TET2: variants seen among roughly 807,000 people sequenced by gnomAD.
TET2 encodes methylcytosine dioxygenase TET2.
A neutral mutation model predicts 142.9 loss-of-function variants in TET2; 299 were observed. The ratio of observed to expected loss-of-function variants is 2.09; its 90% CI spans 1.90 to 2.30. The LOEUF is 2.30. TET2 is among the 30% of genes most tolerant of loss of function. The probability of loss-of-function intolerance (pLI) is 0.00; values close to 1 mark genes in which losing one functional copy is unlikely to be tolerated. For synonymous variants in TET2, 819 were observed against 849.0 expected (o/e 0.96, Z 0.61); for missense variants, 2,418 against 2,378.0 (o/e 1.02, Z -0.35).
In TET2 at chr4:105,196,399, ACC is replaced by A. The variant is rs562188144; in HGVS notation, c.-47+5895_-47+5896del. ...GATGTGATGTAGAATTCTTGGGGAC[ACC>A]TACTTATCCCCTTTTCAGAGTGGCC... On this transcript the variant is annotated intron_variant, in intron 2 of 10. Transcript: ENST00000380013. 2.4e-4 allele frequency among the ~76,000 whole-genome samples: 36 copies of A among 152,272 alleles called. No homozygotes were observed. In the South Asian group the frequency reaches 7.3e-3, roughly 31 times the overall value.
chr4:105,218,328 G>C (rs1288535338), intron 2 of TET2, among the ~76,000 whole-genome samples: 1 of 151,988 alleles, frequency 6.6e-6, no homozygotes, highest in African/African-American at 2.4e-5. Context: ...CTACCTCTTT[G>C]TCCTGAACAG....
intron 2 of TET2, among the ~76,000 whole-genome samples, chr4:105,223,341 A>C (rs1439079639): frequency 1.3e-5 from 2 of 152,106 alleles, no homozygotes; most frequent in Non-Finnish European, 2.9e-5. Context: ...TATGTTTTTA[A>C]AATTTTAGCT....
At position 105,235,357 on chromosome 4, in the gene TET2, C is replaced by T. The variant is rs1728792800; in HGVS notation, c.1415C>T (p.Pro472Leu). 4.3e-6 allele frequency: 7 copies of T among 1,614,044 alleles called. No individual in the cohort carries two copies. The highest frequency in any genetic ancestry group is 5.9e-6 in the Non-Finnish European group (7 of 1,180,022). ...SPNPSTHVCS[P>L]SPMLSERPQN... is the part of the protein sequence containing the mutation. ...AATCCATCTACACATGTATGCAGCC[C>T]TTCTCCGATGCTTTCTGAAAGGCCT... Residue 472 changes from proline (P) to leucine (L), a missense_variant, in exon 3 of 11, where the codon CCT becomes CTT. Coordinates refer to ENST00000380013, the MANE Select transcript of TET2 (RefSeq NM_001127208.3).
chr4:105,200,646 T>G (rs185369777), intron 2 of TET2, among the ~76,000 whole-genome samples: 69 of 150,104 alleles, frequency 4.6e-4, no homozygotes, highest in African/African-American at 1.6e-3. Context: ...TTGTTTGTTT[T>G]GTTTTTGTTT....
rs1728836566 is a variant in TET2, at chr4:105,235,794, C to T, written c.1852C>T (p.Gln618Ter). The change falls in exon 3 of 11, where the codon CAA (glutamine) becomes TAA (stop). Residue 618 changes from glutamine to a stop codon, truncating the protein, a stop_gained. Transcript: ENST00000380013. LOFTEE classifies it high-confidence loss of function. ...CAACATGCCTGGGGGGCTCCCAAGG[C>T]AAGCTTACACCCAGAAAACAACACA... ...NSNMPGGLPR[Q>*]AYTQKTTQLE... 2 of 1,614,096 alleles carry T rather than the reference C, an allele frequency of 1.2e-6. No individual in the cohort carries two copies. The highest frequency in any genetic ancestry group is 1.7e-6 in the Non-Finnish European group (2 of 1,180,012).
In TET2 at chr4:105,236,985, A is replaced by C; in HGVS notation, c.3043A>C (p.Ser1015Arg). ...KVTKQENPPA[S>R]CDNVQQKSII... ...AACTAAGCAAGAGAATCCACCTGCA[A>C]GCTGTGATAATGTGCAGCAAAAGAG... The change falls in exon 3 of 11, where the codon AGC becomes CGC. Residue 1015 changes from serine (S) to arginine (R), a missense_variant. Coordinates refer to ENST00000380013, the MANE Select transcript of TET2 (RefSeq NM_001127208.3). 6.2e-7 allele frequency: 1 copy of C among 1,614,166 alleles called. No homozygotes were observed. Among genetic ancestry groups the C allele is most frequent in the South Asian group, 1.1e-5 (1 of 91,086 alleles).
Position 105,244,584 on chromosome 4 carries a change from A to ATCTTTTTTTTT in TET2, c.3803+807_3803+808insCTTTTTTTTTT, listed in dbSNP as rs1237638072. On this transcript the variant is annotated intron_variant, in intron 6 of 10. Transcript: ENST00000380013. ...TGAATGTTCACGGTGCTACACAGAA[A>ATCTTTTTTTTT]TGTTTTTTTTTTTTTTTTTTTTTTT... Among the ~76,000 whole-genome samples the ATCTTTTTTTTT allele has an allele frequency of 8.5e-3, 986 of 116,580 alleles. 124 individuals are homozygous for ATCTTTTTTTTT. The highest frequency in any genetic ancestry group is 0.021 in the Middle Eastern group (4 of 194). The allele number at this position is 116,580 out of a possible 152,430, so 76.5% of individuals were successfully genotyped here. A position where few individuals can be genotyped will look rare whatever the true frequency, so the allele number is the denominator to read the frequency against.
Position 105,276,674 on chromosome 4 carries a change from CT to C in TET2, c.*157del. 1.2e-6 allele frequency: 1 copy of C among 827,952 alleles called. No individual in the cohort carries two copies. The highest frequency in any genetic ancestry group is 1.8e-6 in the Non-Finnish European group (1 of 551,614). The allele number at this position is 827,952 out of a possible 1,614,324, so 51.3% of individuals were successfully genotyped here. The stretch of plus-strand genomic sequence containing the variant: ...GCTCACCAGCAACAAAAGAGGTTAT[CT>C]TACCATAGCACTTAATTTTCACTGG... On this transcript the variant is annotated 3_prime_UTR_variant, in exon 11 of 11. Coordinates refer to ENST00000380013, the MANE Select transcript of TET2 (RefSeq NM_001127208.3).
chr4:105,249,457 T>C (rs1287565296), intron 6 of TET2, among the ~76,000 whole-genome samples: 2 of 152,264 alleles, frequency 1.3e-5, no homozygotes, highest in Non-Finnish European at 2.9e-5. Context: ...CCTTGGGATA[T>C]ACACCTAGGA....
chr4:105,174,117 A>G (rs1446863636), intron 1 of TET2, among the ~76,000 whole-genome samples: 2 of 152,188 alleles, frequency 1.3e-5, no homozygotes, highest in Non-Finnish European at 2.9e-5. Context: ...TACTGTTCAT[A>G]TATAAGTAAA....
At chr4:105,175,112 C>A (rs554384166) in intron 1 of TET2, among the ~76,000 whole-genome samples, 2 of 152,222 alleles carry the variant, frequency 1.3e-5, no homozygotes, top group African/African-American at 4.8e-5. Flanking sequence ...CTTTTACTAT[C>A]ATATTACTAA....
chr4:105,164,630 G>A (rs552686048), intron 1 of TET2, among the ~76,000 whole-genome samples: 32 of 152,282 alleles, frequency 2.1e-4, no homozygotes, highest in African/African-American at 7.5e-4. Flanking sequence ...AGCATAATGA[G>A]ATGAAAATTA....
intron 9 of TET2, among the ~76,000 whole-genome samples, chr4:105,270,033 A>G (rs1009291915): frequency 6.6e-6 from 1 of 152,180 alleles, no homozygotes; most frequent in African/African-American, 2.4e-5. Context: ...ATCTGCCCCC[A>G]TGATTCAATT....
At chr4:105,254,807 C>T (rs545571044) in intron 6 of TET2, among the ~76,000 whole-genome samples, 1 of 152,240 alleles carries the variant, frequency 6.6e-6, no homozygotes, top group East Asian at 1.9e-4. Flanking sequence ...GGATTTTTCT[C>T]TAGTATTCAT....
intron 1 of TET2, among the ~76,000 whole-genome samples, chr4:105,186,249 C>T (rs191653132): frequency 3.9e-5 from 6 of 151,954 alleles, no homozygotes; most frequent in Admixed American, 1.3e-4. Context: ...AACAAAAAAA[C>T]AAAAACAACA....
Position 105,275,957 on chromosome 4 carries a change from T to A in TET2, c.5447T>A (p.Leu1816Ter). The change falls in exon 11 of 11, where the codon TTA (leucine) becomes TAA (stop). Residue 1816 changes from leucine to a stop codon, truncating the protein, a stop_gained. Transcript: ENST00000380013. LOFTEE classifies it low-confidence loss of function (END_TRUNC). ...HDRTACVQGG[L>*]HKLSDANGQE... Reference sequence around the variant, plus strand: ...AGAACTGCTTGTGTCCAAGGAGGCTTACACAAATTAAGTGATGCTAATGGT... The same window carrying A: ...AGAACTGCTTGTGTCCAAGGAGGCTAACACAAATTAAGTGATGCTAATGGT... The A allele has an allele frequency of 6.4e-7, 1 of 1,551,848 alleles. No homozygotes were observed. The highest frequency in any genetic ancestry group is 8.7e-7 in the Non-Finnish European group (1 of 1,147,012).
chr4:105,266,574 T>C (rs2110295718), intron 8 of TET2, among the ~76,000 whole-genome samples: 1 of 152,188 alleles, frequency 6.6e-6, no homozygotes, highest in Middle Eastern at 3.4e-3. Flanking sequence ...ATGAGAGTGA[T>C]AAGGAAAGAT....
chr4:105,233,021 A>G (rs1337474798), intron 2 of TET2, among the ~76,000 whole-genome samples: 1 of 152,098 alleles, frequency 6.6e-6, no homozygotes, highest in Non-Finnish European at 1.5e-5. Flanking sequence ...CTTCCTTTTG[A>G]TAACAAAGGG....
At chr4:105,252,872 G>A (rs112888215) in intron 6 of TET2, among the ~76,000 whole-genome samples, 2,478 of 152,124 alleles carry the variant, frequency 0.016, 39 homozygotes, top group Middle Eastern at 0.058. Context: ...AGTTGTTCCC[G>A]TACCATTTCT....
Sources: allele counts gnomAD v4.1 joint callset (sites outside exome capture counted in the v4.1 genomes callset), GRCh38; gene constraint gnomAD v4.1.1; transcripts MANE v1.5; gene names NCBI Gene and HGNC (gene_info 2026-07-23, HGNC 2026-07-21).